The following CFAP92 variants were observed in gnomAD, a reference collection of about 807,000 sequenced individuals.
The protein encoded by CFAP92 is uncharacterized protein CFAP92.
In CFAP92, 86 loss-of-function variants were observed where a neutral mutation model predicts 106.3. That is an observed-to-expected ratio of 0.81 (90% confidence interval 0.68 to 0.97). CFAP92 has a LOEUF of 0.97. CFAP92 is among the 50% of genes least tolerant of loss of function. The pLI is 0.00. For synonymous variants in CFAP92, 477 were observed against 506.4 expected, an observed-to-expected ratio of 0.94 and a Z score of 0.78; for missense variants, 1,204 against 1,283.8, an observed-to-expected ratio of 0.94 and a Z score of 0.95.
rs1943278335 is a variant in CFAP92, at chr3:128,978,117, T to C, written c.736A>G (p.Arg246Gly). ...EQGIENTNIV[R>G]EESNQEHPPG... ...GGATGTTCCTGGTTCGACTCTTCTC[T>C]GACAATGTTGGTATTCTCAATGCCC... Residue 246 changes from arginine to glycine, a missense_variant, in exon 5 of 16, where the codon AGA (arginine) becomes GGA (glycine). Coordinates refer to ENST00000645291, the MANE Select transcript of CFAP92 (RefSeq NM_001394090.1). 6.2e-7 allele frequency: 1 copy of C among 1,613,912 alleles called. No homozygotes were observed.
At chr3:128,985,991 G>A (rs920080498) in intron 4 of CFAP92, among the ~76,000 whole-genome samples, 3 of 152,088 alleles carry the variant, frequency 2.0e-5, no homozygotes, top group Non-Finnish European at 4.4e-5. Flanking sequence ...CCCCCACAGC[G>A]AGGAATTATC....
At chr3:128,929,500 T>C (rs1287995263) in intron 12 of CFAP92, among the ~76,000 whole-genome samples, 1 of 152,200 alleles carries the variant, frequency 6.6e-6, no homozygotes, top group African/African-American at 2.4e-5. Flanking sequence ...ATATTTATAA[T>C]AGCCCCAAGC....
intron 1 of CFAP92, 144 bp from the exon 2 acceptor site, chr3:128,993,480 G>T (rs1944349058): frequency 1.3e-6 from 1 of 741,492 alleles, no homozygotes; most frequent in Admixed American, 2.7e-5. Context: ...CTCCTTCACT[G>T]CCTGCCACAC....
At chr3:128,964,718 C>T (rs1942232504) in intron 9 of CFAP92, among the ~76,000 whole-genome samples, 1 of 152,132 alleles carries the variant, frequency 6.6e-6, no homozygotes, top group African/African-American at 2.4e-5. Context: ...CAGGCCATCA[C>T]CAATCATTCT....
the CFAP92 span, among the ~76,000 whole-genome samples, chr3:129,024,505 T>A: frequency 6.7e-6 from 1 of 149,504 alleles, no homozygotes; most frequent in Non-Finnish European, 1.5e-5. Flanking sequence ...CACTCCAGCC[T>A]GGGTGACAGA....
chr3:128,919,579 C>A (rs1247482143), intron 12 of CFAP92, among the ~76,000 whole-genome samples: 5 of 152,124 alleles, frequency 3.3e-5, no homozygotes, highest in African/African-American at 1.2e-4. Flanking sequence ...GGAGAACAAC[C>A]AAGGCAACCA....
upstream of CFAP92, chr3:128,994,218 G>C: frequency 1.1e-6 from 1 of 900,400 alleles, no homozygotes. Context: ...ACTGCGCGCA[G>C]TTTGTCAAAT....
At chr3:128,953,951 A>G (rs368075135) in intron 9 of CFAP92, among the ~76,000 whole-genome samples, 3 of 79,592 alleles carry the variant, frequency 3.8e-5, no homozygotes, top group Admixed American at 1.2e-4. Context: ...ATCTCGGCTC[A>G]CTACAACCTC....
chr3:128,991,771 C>A, intron 2 of CFAP92: 1 of 1,002,414 alleles, frequency 1.0e-6, no homozygotes, highest in Non-Finnish European at 1.2e-6. Context: ...GGGTTCCAAC[C>A]CATACAAGAA....
At chr3:128,916,339 A>G in intron 12 of CFAP92, 68 bp from the exon 13 acceptor site, 1 of 1,046,724 alleles carries the variant, frequency 9.6e-7, no homozygotes, top group Non-Finnish European at 1.2e-6. Flanking sequence ...GCTCATATGC[A>G]GTGAGATGAT....
the CFAP92 span, among the ~76,000 whole-genome samples, chr3:129,012,998 G>C: frequency 6.6e-6 from 1 of 152,216 alleles, no homozygotes; most frequent in Non-Finnish European, 1.5e-5. Flanking sequence ...ATAAGGATAT[G>C]CTATTTACCC....
rs1050385007 is a variant in CFAP92 at position 128,910,194 on chromosome 3, G to A, written c.*105C>T. The stretch of plus-strand genomic sequence containing the variant: ...ACACAGGGCCTGGCTGCTGCCATCT[G>A]TCCTGCTGCACTTTAATGAAGTTGA... On this transcript the variant is annotated 3_prime_UTR_variant, in exon 16 of 16. Coordinates refer to ENST00000645291, the MANE Select transcript of CFAP92 (RefSeq NM_001394090.1). The A allele has an allele frequency of 6.2e-7, 1 of 1,612,718 alleles. No individual in the cohort carries two copies. Among genetic ancestry groups the A allele is most frequent in the Non-Finnish European group, 8.5e-7 (1 of 1,179,814 alleles).
intron 4 of CFAP92, 69 bp from the exon 5 acceptor site, chr3:128,978,254 G>A: frequency 1.3e-6 from 2 of 1,549,940 alleles, no homozygotes; most frequent in Non-Finnish European, 1.8e-6. Flanking sequence ...TAACTACTAT[G>A]GGCATTTCTT....
Position 128,910,245 on chromosome 3 carries a change from T to TG in CFAP92, c.*53dup, listed in dbSNP as rs1936116726. On this transcript the variant is annotated 3_prime_UTR_variant, in exon 16 of 16. Coordinates refer to ENST00000645291, the MANE Select transcript of CFAP92 (RefSeq NM_001394090.1). ...TTGTTGAGGAGGGTGTGGTCGGGTG[T>TG]GGGGGAGGCTGTGCAGGTTCACCAT... 3.0e-5 allele frequency: 48 copies of TG among 1,577,436 alleles called. No homozygotes were observed. The highest frequency in any genetic ancestry group is 1.1e-4 in the South Asian group (10 of 87,970).
At position 128,965,597 on chromosome 3, in the gene CFAP92, G is replaced by C; in HGVS notation, c.1267C>G (p.Gln423Glu). The part of the protein sequence containing the change: ...KTEVPIMTEE[Q>E]KQDLNPLTIK... The stretch of plus-strand genomic sequence containing the variant: ...GTCAGGGGATTTAAATCCTGCTTTT[G>C]CTCCTCGGTCATGATCGGAACTTCT... The change falls in exon 9 of 16, where the codon CAA becomes GAA. Residue 423 changes from glutamine to glutamate, a missense_variant. Transcript: ENST00000645291. The C allele has an allele frequency of 2.5e-6, 1 of 398,968 alleles. No individual in the cohort carries two copies. The highest frequency in any genetic ancestry group is 4.4e-6 in the Non-Finnish European group (1 of 226,050). 24.7% of individuals were successfully genotyped at this position (398,968 alleles called of 1,614,324 possible).
At chr3:129,011,049 A>G in the CFAP92 span, among the ~76,000 whole-genome samples, 1 of 152,138 alleles carries the variant, frequency 6.6e-6, no homozygotes, top group African/African-American at 2.4e-5. Context: ...CTTGGCATAA[A>G]CATTGAGTGT....
At chr3:128,918,940 A>ATTTT (rs10573280) in intron 12 of CFAP92, among the ~76,000 whole-genome samples, 11 of 105,870 alleles carry the variant, frequency 1.0e-4, no homozygotes, top group East Asian at 3.1e-4. Flanking sequence ...CTCAGATTGG[A>ATTTT]TTTTTTTTTT....
the CFAP92 span, among the ~76,000 whole-genome samples, chr3:129,025,689 C>T: frequency 6.6e-6 from 1 of 152,134 alleles, no homozygotes; most frequent in African/African-American, 2.4e-5. Context: ...AATAATCCAG[C>T]AGAGAGAGGG....
chr3:128,932,792 T>G lies in CFAP92; in HGVS notation c.2659A>C (p.Thr887Pro). 1 of 1,536,042 alleles carries G rather than the reference T, an allele frequency of 6.5e-7. No individual in the cohort carries two copies. Among genetic ancestry groups the G allele is most frequent in the Non-Finnish European group, 8.7e-7 (1 of 1,146,868 alleles). Reference sequence around the variant, plus strand: ...TCCTGGTGGGCGTGGATCTCTAAGGTGAGGGTGGAGTTCCGACTGTGGTAG... The same window carrying G: ...TCCTGGTGGGCGTGGATCTCTAAGGGGAGGGTGGAGTTCCGACTGTGGTAG... ...EDYHSRNSTL[T>P]LEIHAHQEKY... The change falls in exon 12 of 16, where the codon ACC becomes CCC. Residue 887 changes from threonine to proline, a missense_variant. Physicochemically the swap from Thr to Pro is conservative, Grantham distance 38. Transcript: ENST00000645291.
Sources: allele counts gnomAD v4.1 joint callset (sites outside exome capture counted in the v4.1 genomes callset), GRCh38; gene constraint gnomAD v4.1.1; transcripts MANE v1.5; gene names NCBI Gene and HGNC (gene_info 2026-07-23, HGNC 2026-07-21).